Variants in COL5A3 observed in about 807,000 individuals in gnomAD.
COL5A3 encodes collagen alpha-3(V) chain.
COL5A3 carries 172 observed loss-of-function variants against 250.0 expected under a neutral mutation model. The observed-to-expected ratio is 0.69, with a 90% confidence interval of 0.61 to 0.78. The LOEUF (loss-of-function observed/expected upper bound fraction) is 0.78, where lower values mean the gene tolerates loss of function less well. Among genes scored for constraint, COL5A3 ranks in the 30% least tolerant of loss-of-function variants. The probability of loss-of-function intolerance (pLI) is 0.00; values close to 1 mark genes in which losing one functional copy is unlikely to be tolerated. For missense variants in COL5A3, 2,340 were observed against 2,334.4 expected (o/e 1.00, Z -0.05); for synonymous variants, 937 against 900.4 (o/e 1.04, Z -0.73).
In COL5A3 at chr19:9,968,830, A is replaced by G. The variant is rs1267296256; in HGVS notation, c.4153-102T>C. Reference sequence around the variant, plus strand: ...AAATGGGAAATTATGCAGATTTCAAATGGGAATTACCAGGGATGAGGTCAA... The same window carrying G: ...AAATGGGAAATTATGCAGATTTCAAGTGGGAATTACCAGGGATGAGGTCAA... On this transcript the variant is annotated intron_variant, in intron 57 of 66. Coordinates refer to ENST00000264828, the MANE Select transcript of COL5A3 (RefSeq NM_015719.4). This position sits in a 1 kb window ranked among gnomAD's most constrained non-coding sequence, Gnocchi z 4.1. The G allele has an allele frequency of 1.5e-5, 16 of 1,049,110 alleles. No individual in the cohort carries two copies. Among genetic ancestry groups the G allele is most frequent in the Non-Finnish European group, 2.1e-5 (15 of 701,908 alleles). 65.0% of individuals were successfully genotyped at this position (1,049,110 alleles called of 1,614,324 possible).
At chr19:9,988,127 G>A (rs369151612) in intron 27 of COL5A3, among the ~76,000 whole-genome samples, 3 of 152,188 alleles carry the variant, frequency 2.0e-5, no homozygotes, top group Non-Finnish European at 2.9e-5. Flanking sequence ...ACCACTACTC[G>A]AGAGGCTGAG....
At chr19:9,995,206 C>A (rs1467853374) in intron 16 of COL5A3, among the ~76,000 whole-genome samples, 1 of 152,178 alleles carries the variant, frequency 6.6e-6, no homozygotes, top group African/African-American at 2.4e-5. Context: ...CTGCGCGCAG[C>A]CAATCATCTT....
chr19:9,966,463 G>T, intron 63 of COL5A3, 37 bp from the exon 64 acceptor site: 1 of 1,576,154 alleles, frequency 6.3e-7, no homozygotes, highest in Non-Finnish European at 8.6e-7. Flanking sequence ...GAGTCCGGAT[G>T]GGACCCGACG....
At position 9,999,879 on chromosome 19, in the gene COL5A3, C is replaced by T. The variant is rs565081359; in HGVS notation, c.1110+1645G>A. Among the ~76,000 whole-genome samples the T allele has an allele frequency of 1.5e-3, 222 of 152,256 alleles. 1 individual carries two copies. The highest frequency in any genetic ancestry group is 5.2e-3 in the African/African-American group (217 of 41,556). On this transcript the variant is annotated intron_variant, in intron 8 of 66. Transcript: ENST00000264828. The stretch of plus-strand genomic sequence containing the variant: ...CACCTCCTGGGCTCAAGCGATCCTC[C>T]TGCTTCAGCTGGGACCAGAGGCACG...
chr19:9,988,855 A>AAAAAAAAAAAGAGAGAAAG, intron 27 of COL5A3, among the ~76,000 whole-genome samples: 1 of 104,766 alleles, frequency 9.5e-6, no homozygotes, highest in Non-Finnish European at 1.8e-5. Flanking sequence ...AAAAAAAAAA[A>AAAAAAAAAAAGAGAGAAAG]AAAGAAAGTA....
intron 31 of COL5A3, among the ~76,000 whole-genome samples, chr19:9,983,591 A>AGAAG (rs2087047515): frequency 1.1e-5 from 1 of 88,640 alleles, no homozygotes; most frequent in Non-Finnish European, 2.3e-5. Context: ...AAAGAAAGAA[A>AGAAG]GAAAGAAAGA....
At position 9,992,816 on chromosome 19, in the gene COL5A3, G is replaced by A; in HGVS notation, c.1848+11C>T. 6.2e-7 allele frequency: 1 copy of A among 1,613,586 alleles called. No individual in the cohort carries two copies. The highest frequency in any genetic ancestry group is 1.1e-5 in the South Asian group (1 of 91,060). On this transcript the variant is annotated intron_variant, in intron 21 of 66. Coordinates refer to ENST00000264828, the MANE Select transcript of COL5A3 (RefSeq NM_015719.4). Reference sequence around the variant, plus strand: ...AGACAGACAGGGATGCAGAGAGCCAGTGACACTCACCGGGCGACCCGTGGG... The same window carrying A: ...AGACAGACAGGGATGCAGAGAGCCAATGACACTCACCGGGCGACCCGTGGG...
At position 9,962,803 on chromosome 19, in the gene COL5A3, G is replaced by A. The variant is rs148762424; in HGVS notation, c.4851+16C>T. 6,856 of 1,601,340 alleles carry A rather than the reference G, an allele frequency of 4.3e-3. 27 individuals carry two copies. Among genetic ancestry groups the A allele is most frequent in the Non-Finnish European group, 5.3e-3 (6,200 of 1,172,272 alleles). On this transcript the variant is annotated intron_variant, in intron 65 of 66. Coordinates refer to ENST00000264828, the MANE Select transcript of COL5A3 (RefSeq NM_015719.4). ...CAATTTTCATGTCACTCCCCATCTC[G>A]GCCTCGGTGACTCACCTTCTTCCCT...
At chr19:9,976,950 G>A (rs533599034) in intron 44 of COL5A3, among the ~76,000 whole-genome samples, 71 of 152,234 alleles carry the variant, frequency 4.7e-4, no homozygotes, top group African/African-American at 1.5e-3. Flanking sequence ...CAGAGGGAAG[G>A]ATGTGTCACT....
At chr19:9,970,454 T>G (rs541925087) in intron 54 of COL5A3, among the ~76,000 whole-genome samples, 168 bp downstream of exon 54, 2,316 of 22,172 alleles carry the variant, frequency 0.1, 195 homozygotes, top group South Asian at 0.26. Flanking sequence ...GTGAGTGGGG[T>G]CTGTGGGTGT....
intron 51 of COL5A3, among the ~76,000 whole-genome samples, chr19:9,971,671 T>C (rs953235718): frequency 6.6e-5 from 10 of 152,120 alleles, no homozygotes; most frequent in African/African-American, 7.2e-5. Context: ...AGCCCCTTCC[T>C]GACCTCCACC....
intron 62 of COL5A3, among the ~76,000 whole-genome samples, 191 bp from the exon 63 acceptor site, chr19:9,966,937 GAC>G (rs2086757574): frequency 1.3e-5 from 2 of 152,250 alleles, no homozygotes; most frequent in South Asian, 4.2e-4. Context: ...GAAAGAGAGA[GAC>G]AGATTCAGAG....
At chr19:10,000,595 G>A (rs2087345984) in intron 8 of COL5A3, among the ~76,000 whole-genome samples, 1 of 150,668 alleles carries the variant, frequency 6.6e-6, no homozygotes, top group African/African-American at 2.4e-5. Flanking sequence ...ACTGCCCCCG[G>A]CCCAGGGGGA....
At position 9,968,668 on chromosome 19, in the gene COL5A3, T is replaced by A. The variant is rs1437013480; in HGVS notation, c.4206+7A>T. 1.2e-6 allele frequency: 2 copies of A among 1,607,150 alleles called. No individual in the cohort carries two copies. The highest frequency in any genetic ancestry group is 2.7e-5 in the African/African-American group (2 of 74,742). On this transcript the variant is annotated splice_region_variant and intron_variant, in intron 58 of 66. Coordinates refer to ENST00000264828, the MANE Select transcript of COL5A3 (RefSeq NM_015719.4). This position sits in a 1 kb window ranked among gnomAD's most constrained non-coding sequence, Gnocchi z 4.1. ...TGGGGAAGAGAATAATGGAATGATG[T>A]CCTTACCTTTTCCCCCTTGGGGCCA...
At chr19:10,007,800 G>C (rs2087464636) in intron 1 of COL5A3, among the ~76,000 whole-genome samples, 2 of 152,064 alleles carry the variant, frequency 1.3e-5, no homozygotes, top group Admixed American at 1.3e-4. Flanking sequence ...TCGGAGGCCT[G>C]TTTCAGCCTC....
In COL5A3 at chr19:9,967,376, T is replaced by C; in HGVS notation, c.4429A>G (p.Thr1477Ala). Residue 1477 changes from threonine (T) to alanine (A), a missense_variant, in exon 62 of 67, where the codon ACT becomes GCT. By Grantham distance (58) the Thr-to-Ala change is moderately conservative (BLOSUM62 0). Transcript: ENST00000264828. ...GGGCCTGGTGGGCCTGCAGGTCCAG[T>C]GTCTCCACGGGGGCCCATGGACCCC... ...SPGSMGPRGD[T>A]GPAGPPGPPG... 1.4e-6 allele frequency: 2 copies of C among 1,468,258 alleles called. No individual in the cohort carries two copies. The highest frequency in any genetic ancestry group is 1.8e-6 in the Non-Finnish European group (2 of 1,118,572). 91.0% of individuals were successfully genotyped at this position (1,468,258 alleles called of 1,614,324 possible).
In COL5A3 at chr19:9,997,970, C is replaced by A. The variant is rs374147957; in HGVS notation, c.1200+14G>T. 5.6e-6 allele frequency: 9 copies of A among 1,613,880 alleles called. No individual in the cohort carries two copies. The African/African-American group carries it at 1.2e-4, about 22-fold the overall frequency. On this transcript the variant is annotated intron_variant, in intron 10 of 66. Coordinates refer to ENST00000264828, the MANE Select transcript of COL5A3 (RefSeq NM_015719.4). ...AGGGAAAGACTGGAAGAAGGAAACA[C>A]AGCCATGACTTACTTGGGGTCCTGG... is the stretch of plus-strand genomic sequence containing the variant.
rs557640184 is a variant in COL5A3 at position 9,974,345 on chromosome 19, C to T, written c.3406G>A (p.Gly1136Arg). ...PGLFGQKGDD[G>R]VRGFVGVIGP... ...ATCACCCCCACAAAGCCTCTGACTC[C>T]GTCATCTCCTTTCTGCCCAAAGAGG... The change falls in exon 46 of 67, where the codon GGA becomes AGA. Residue 1136 changes from glycine (G) to arginine (R), a missense_variant. Around this residue, in one of 3 missense-constraint regions of COL5A3, gnomAD observed 1,179 missense variants for 1,162.6 expected, o/e 1.01. Coordinates refer to ENST00000264828, the MANE Select transcript of COL5A3 (RefSeq NM_015719.4). 1.6e-5 allele frequency: 26 copies of T among 1,612,742 alleles called. No homozygotes were observed. The East Asian group carries it at 2.0e-4, about 12-fold the overall frequency.
chr19:9,977,623 C>T lies in COL5A3; in HGVS notation c.3097G>A (p.Val1033Ile), dbSNP rs370189164. Residue 1033 changes from valine (V) to isoleucine (I), a missense_variant, in exon 42 of 67, where the codon GTT (valine) becomes ATT (isoleucine). By Grantham distance (29) the Val-to-Ile change is conservative (BLOSUM62 3). Transcript: ENST00000264828. ...GACCCCTTCTTGCCTGCAGGGCCAA[C>T]GGGGCCTTCGCTGCCACTTTGGCCA... is the stretch of plus-strand genomic sequence containing the variant. ...LPGQSGSEGP[V>I]GPAGKKGSRG... is the part of the protein sequence containing the mutation. 161 of 1,604,314 alleles carry T rather than the reference C, an allele frequency of 1.0e-4. No individual in the cohort carries two copies. Among genetic ancestry groups the T allele is most frequent in the Middle Eastern group, 1.7e-4 (1 of 6,026 alleles).
Sources: gnomAD v4.1 joint callset for allele counts (sites outside exome capture counted in the v4.1 genomes callset) on GRCh38, gnomAD v4.1.1 for gene constraint, gnomAD v4.1.1 regional missense constraint, Gnocchi (gnomAD v3.1) non-coding constraint, MANE v1.5 for transcripts, NCBI Gene and HGNC (gene_info 2026-07-23, HGNC 2026-07-21) for gene names.